TTC29: variants seen among roughly 807,000 people sequenced by gnomAD.
The protein encoded by TTC29 is tetratricopeptide repeat domain 29.
TTC29 carries 49 observed loss-of-function variants against 58.1 expected under a neutral mutation model. The observed-to-expected ratio is 0.84, with a 90% confidence interval of 0.67 to 1.07. The LOEUF is 1.07. Ranked by LOEUF, TTC29 falls within the 50% of genes least tolerant of loss-of-function variation. The probability of loss-of-function intolerance (pLI) is 0.00; values close to 1 mark genes in which losing one functional copy is unlikely to be tolerated. For missense variants in TTC29, 582 were observed against 555.6 expected (o/e 1.05, Z -0.48); for synonymous variants, 209 against 196.8 (o/e 1.06, Z -0.52).
At position 146,723,084 on chromosome 4, in the gene TTC29, T is replaced by G. The variant is rs534039160; in HGVS notation, c.1331-15533A>C. ...TAACATGGTGAAACCCCGTTTCTAC[T>G]AAAAGTACAAAAAATTAGCCAGGTG... On this transcript the variant is annotated intron_variant, in intron 11 of 12. Coordinates refer to ENST00000325106, the MANE Select transcript of TTC29 (RefSeq NM_031956.4). Among the ~76,000 whole-genome samples, 11 of 152,118 alleles carry G rather than the reference T, an allele frequency of 7.2e-5. No individual in the cohort carries two copies. In the South Asian group the frequency reaches 2.1e-3, roughly 29 times the overall value.
At chr4:146,874,239 G>A (rs552102694) in intron 7 of TTC29, among the ~76,000 whole-genome samples, 1 of 152,058 alleles carries the variant, frequency 6.6e-6, no homozygotes, top group East Asian at 1.9e-4. Flanking sequence ...TGTTCCAAAG[G>A]CCACATTTTG....
At chr4:146,853,593 G>A (rs1009503892) in intron 8 of TTC29, among the ~76,000 whole-genome samples, 2 of 151,794 alleles carry the variant, frequency 1.3e-5, no homozygotes, top group Admixed American at 6.6e-5. Flanking sequence ...CTAGATCTCG[G>A]TATATATTAA....
intron 11 of TTC29, among the ~76,000 whole-genome samples, chr4:146,737,677 G>A (rs1389025469): frequency 2.0e-5 from 3 of 150,880 alleles, no homozygotes; most frequent in African/African-American, 7.3e-5. Flanking sequence ...AGACACAAAT[G>A]CTCAGGGTGC....
chr4:146,930,429 G>A (rs1383143242), intron 4 of TTC29, among the ~76,000 whole-genome samples: 1 of 152,084 alleles, frequency 6.6e-6, no homozygotes, highest in Non-Finnish European at 1.5e-5. Flanking sequence ...CCCTGGTCTG[G>A]TAATATCTGT....
intron 11 of TTC29, among the ~76,000 whole-genome samples, chr4:146,785,895 A>G (rs1218611254): frequency 6.6e-6 from 1 of 152,150 alleles, no homozygotes; most frequent in African/African-American, 2.4e-5. Context: ...AAAGGTCACT[A>G]AATTAGTGAT....
intron 11 of TTC29, chr4:146,763,740 A>C (rs1398757965): frequency 6.6e-6 from 1 of 152,080 alleles, no homozygotes; most frequent in African/African-American, 2.4e-5. Context: ...CAGTTTCTTT[A>C]TCTTGGTTAC....
intron 4 of TTC29, among the ~76,000 whole-genome samples, chr4:146,925,006 C>T (rs60743270): frequency 0.075 from 11,392 of 151,866 alleles, 1,453 homozygotes; most frequent in African/African-American, 0.26. Context: ...CTTCCCAATT[C>T]GGGAAGATTT....
chr4:146,845,723 C>G (rs1178974726), intron 8 of TTC29, among the ~76,000 whole-genome samples: 1 of 152,142 alleles, frequency 6.6e-6, no homozygotes, highest in African/African-American at 2.4e-5. Flanking sequence ...GGGCCCAGCT[C>G]TCTCTGCCTC....
chr4:146,744,128 T>G (rs558974413), intron 11 of TTC29, among the ~76,000 whole-genome samples: 1 of 152,334 alleles, frequency 6.6e-6, no homozygotes, highest in South Asian at 2.1e-4. Flanking sequence ...CAGATAATAT[T>G]CCAGTGTATC....
chr4:146,927,092 AAAG>A lies in TTC29; in HGVS notation c.176+10499_176+10501del, dbSNP rs1369283144. On this transcript the variant is annotated intron_variant, in intron 4 of 12. Coordinates refer to ENST00000325106, the MANE Select transcript of TTC29 (RefSeq NM_031956.4). ...CAAGACCCCATCTCAAAAAAAAAAA[AAAG>A]AAAAAAAAAGACACTTACATTGCAG... Among the ~76,000 whole-genome samples the A allele has an allele frequency of 5.5e-4, 84 of 151,710 alleles. 2 individuals are homozygous for A. The East Asian group carries it at 0.016, about 30-fold the overall frequency.
intron 11 of TTC29, among the ~76,000 whole-genome samples, chr4:146,728,763 A>ATATATATACACATATATATGTGTG (rs1554006035): frequency 1.5e-5 from 1 of 65,090 alleles, no homozygotes; most frequent in Non-Finnish European, 3.9e-5. Context: ...ATATATGTAC[A>ATATATATACACATATATATGTGTG]TATATATACA....
In TTC29 at chr4:146,901,832, C is replaced by G. The variant is rs536035121; in HGVS notation, c.586+1712G>C. 3.3e-5 allele frequency among the ~76,000 whole-genome samples: 5 copies of G among 152,266 alleles called. No homozygotes were observed. In the South Asian group the frequency reaches 8.3e-4, roughly 25 times the overall value. ...ACTGACTTAATATTATATTATATAGCTATTGATTGTTAAGACCTGGTTTTC... is the reference window on the plus strand; with the variant it reads ...ACTGACTTAATATTATATTATATAGGTATTGATTGTTAAGACCTGGTTTTC... On this transcript the variant is annotated intron_variant, in intron 6 of 12. Coordinates refer to ENST00000325106, the MANE Select transcript of TTC29 (RefSeq NM_031956.4).
At chr4:146,940,076 T>C (rs1439233225) in intron 2 of TTC29, among the ~76,000 whole-genome samples, 175 bp from the exon 3 acceptor site, 2 of 152,226 alleles carry the variant, frequency 1.3e-5, no homozygotes, top group Non-Finnish European at 2.9e-5. Flanking sequence ...AGGTTGCTTC[T>C]CTCATTATTT....
chr4:146,892,331 C>T (rs536971707), intron 6 of TTC29, among the ~76,000 whole-genome samples: 13 of 152,142 alleles, frequency 8.5e-5, no homozygotes, highest in Non-Finnish European at 1.6e-4. Context: ...GTCAATTGAA[C>T]CTCTTTTCTT....
intron 11 of TTC29, among the ~76,000 whole-genome samples, chr4:146,800,166 T>G (rs1750109970): frequency 6.6e-6 from 1 of 152,066 alleles, no homozygotes; most frequent in Admixed American, 6.6e-5. Context: ...TATCTAAGAG[T>G]CTTAGAATAG....
chr4:146,780,253 T>C (rs982916087), intron 11 of TTC29, among the ~76,000 whole-genome samples: 2 of 151,418 alleles, frequency 1.3e-5, no homozygotes, highest in African/African-American at 4.9e-5. Flanking sequence ...TTTTAATGGG[T>C]ATAGGATCGT....
At chr4:146,707,256 A>T in intron 12 of TTC29, 68 bp from the exon 13 acceptor site, 1 of 1,134,894 alleles carries the variant, frequency 8.8e-7, no homozygotes, top group Non-Finnish European at 1.2e-6. Flanking sequence ...TTTGTTTTGA[A>T]AAATAATTTG....
At chr4:146,819,284 T>C (rs920227117) in intron 10 of TTC29, among the ~76,000 whole-genome samples, 1 of 152,148 alleles carries the variant, frequency 6.6e-6, no homozygotes, top group Non-Finnish European at 1.5e-5. Flanking sequence ...ATCTTACAAG[T>C]GAAAGAGCTG....
At chr4:146,839,672 C>T (rs917950877) in intron 8 of TTC29, among the ~76,000 whole-genome samples, 2 of 151,688 alleles carry the variant, frequency 1.3e-5, no homozygotes, top group African/African-American at 4.8e-5. Flanking sequence ...TCATGATACT[C>T]TTTCCTAGTT....
Sources: allele counts gnomAD v4.1 joint callset (sites outside exome capture counted in the v4.1 genomes callset), GRCh38; gene constraint gnomAD v4.1.1; transcripts MANE v1.5; gene names NCBI Gene and HGNC (gene_info 2026-07-23, HGNC 2026-07-21).